Variants in P2RX2 observed in about 807,000 individuals in gnomAD.
The protein encoded by P2RX2 is purinergic receptor P2X 2, also known as P2X purinoceptor 2.
A neutral mutation model predicts 54.8 loss-of-function variants in P2RX2; 50 were observed. The observed-to-expected ratio is 0.91, with a 90% CI of 0.73 to 1.15. The LOEUF (loss-of-function observed/expected upper bound fraction) is 1.15. Among genes scored for constraint, P2RX2 ranks in the 50% most tolerant of loss-of-function variants. The probability of loss-of-function intolerance (pLI) is 0.00; values close to 1 mark genes in which losing one functional copy is unlikely to be tolerated. For synonymous variants in P2RX2, 289 were observed against 259.4 expected (o/e 1.11, Z -1.09); for missense variants, 658 against 633.2 (o/e 1.04, Z -0.42).
rs1173318858 is a variant in P2RX2, at chr12:132,620,357, G to A, written c.635+10G>A. 10 of 1,613,682 alleles carry A rather than the reference G, an allele frequency of 6.2e-6. No homozygotes were observed. The Admixed American group carries it at 1.7e-4, about 27-fold the overall frequency. On this transcript the variant is annotated intron_variant, in intron 6 of 10. Coordinates refer to ENST00000643471, the MANE Select transcript of P2RX2 (RefSeq NM_170682.4). Reference sequence around the variant, plus strand: ...AATTCCACTTCTCCAAGTAAGAGCCGCGGGGTGTGGTGACGGCCCAGCCTG... The same window carrying A: ...AATTCCACTTCTCCAAGTAAGAGCCACGGGGTGTGGTGACGGCCCAGCCTG...
chr12:132,622,270 G>A lies in P2RX2; in HGVS notation c.*298G>A, dbSNP rs773918113. ...CTGAGCTCTGAGGGGCTCTGCTCCC[G>A]GTCTTGGGCCCTGGGAACCCCACCC... On this transcript the variant is annotated 3_prime_UTR_variant, in exon 11 of 11. Coordinates refer to ENST00000643471, the MANE Select transcript of P2RX2 (RefSeq NM_170682.4). 203 of 1,311,426 alleles carry A rather than the reference G, an allele frequency of 1.5e-4. No individual in the cohort carries two copies. Among genetic ancestry groups the A allele is most frequent in the Non-Finnish European group, 1.9e-4 (193 of 1,029,804 alleles). The allele number at this position is 1,311,426 out of a possible 1,614,324, so 81.2% of individuals were successfully genotyped here. A position where few individuals can be genotyped will look rare whatever the true frequency, so the allele number is the denominator to read the frequency against.
chr12:132,620,071 C>A lies in P2RX2; in HGVS notation c.529C>A (p.Pro177Thr), dbSNP rs1378517657. 2.5e-6 allele frequency: 4 copies of A among 1,585,792 alleles called. No homozygotes were observed. Among genetic ancestry groups the A allele is most frequent in the Non-Finnish European group, 1.7e-6 (2 of 1,167,470 alleles). Residue 177 changes from proline (P) to threonine (T), a missense_variant, in exon 5 of 11, where the codon CCG becomes ACG. Pro to Thr is a conservative substitution (Grantham distance 38, BLOSUM62 -1). Coordinates refer to ENST00000643471, the MANE Select transcript of P2RX2 (RefSeq NM_170682.4). ...GACCTGCGAGGTGTTCGGCTGGTGCCCGGTGGAAGATGGGGCCTCTGTCAG... is the reference window on the plus strand; with the variant it reads ...GACCTGCGAGGTGTTCGGCTGGTGCACGGTGGAAGATGGGGCCTCTGTCAG... ...SKTCEVFGWCPVEDGASVSQF... is the reference protein window; with the variant it reads ...SKTCEVFGWCTVEDGASVSQF...
intron 5 of P2RX2, 50 bp from the exon 6 acceptor site, chr12:132,620,217 G>A (rs1429076827): frequency 2.6e-6 from 4 of 1,562,486 alleles, no homozygotes; most frequent in African/African-American, 2.7e-5. Context: ...AATGCCAGGC[G>A]GGGGCTTTGC....
chr12:132,621,219 G>A, intron 8 of P2RX2, 36 bp from the exon 9 acceptor site: 2 of 1,613,950 alleles, frequency 1.2e-6, no homozygotes, highest in Non-Finnish European at 1.7e-6. Context: ...GCCCTGGAGT[G>A]CAGAGGACGA....
chr12:132,619,689 T>C lies in P2RX2; in HGVS notation c.320T>C (p.Val107Ala). ...TCTTTCTGAGCCCAGGGGGGCAGCG[T>C]GTTCAGCATCATCACCAGGGTCGAG... is the stretch of plus-strand genomic sequence containing the variant. ...EYVKPPEGGSVFSIITRVEAT... is the reference protein window; with the variant it reads ...EYVKPPEGGSAFSIITRVEAT... The change falls in exon 3 of 11, where the codon GTG becomes GCG. Residue 107 changes from valine to alanine, a missense_variant. By Grantham distance (64) the Val-to-Ala change is moderately conservative. Transcript: ENST00000643471. 6.3e-7 allele frequency: 1 copy of C among 1,597,656 alleles called. No homozygotes were observed. Among genetic ancestry groups the C allele is most frequent in the Non-Finnish European group, 8.5e-7 (1 of 1,172,002 alleles).
At chr12:132,619,372 C>G (rs765554180) in intron 1 of P2RX2, 67 bp from the exon 2 acceptor site, 1 of 1,588,236 alleles carries the variant, frequency 6.3e-7, no homozygotes, top group East Asian at 2.3e-5. Flanking sequence ...GGGCCCCTGC[C>G]GTGCCTGCGG....
chr12:132,621,241 C>A lies in P2RX2; in HGVS notation c.906-14C>A, dbSNP rs763910590. On this transcript the variant is annotated splice_polypyrimidine_tract_variant and intron_variant, in intron 8 of 10. Transcript: ENST00000643471. ...AGTGCAGAGGACGAGTGGGCACTGG[C>A]GTTCCCATTGCAGGTTTGCCAAATA... The A allele has an allele frequency of 2.5e-6, 4 of 1,613,738 alleles. No homozygotes were observed. In the African/African-American group the frequency reaches 5.3e-5, roughly 22 times the overall value.
rs1280066043 is a variant in P2RX2, at chr12:132,619,175, GA to G, written c.173+187del. Among the ~76,000 whole-genome samples the G allele has an allele frequency of 4.4e-3, 426 of 95,758 alleles. 30 individuals are homozygous for G. Among genetic ancestry groups the G allele is most frequent in the Admixed American group, 0.011 (106 of 9,470 alleles). The allele number at this position is 95,758 out of a possible 152,430, so 62.8% of individuals were successfully genotyped here. ...ATTGGGGGCGCGGGGCAGGGGCTGG[GA>G]CTGGGGGCGTGGGGCAGGGGCTGGG... On this transcript the variant is annotated intron_variant, in intron 1 of 10. Coordinates refer to ENST00000643471, the MANE Select transcript of P2RX2 (RefSeq NM_170682.4).
rs1307844378 is a variant in P2RX2 at position 132,621,838 on chromosome 12, G to C, written c.1282G>C (p.Glu428Gln). 3 of 1,612,140 alleles carry C rather than the reference G, an allele frequency of 1.9e-6. No individual in the cohort carries two copies. The highest frequency in any genetic ancestry group is 2.2e-5 in the East Asian group (1 of 44,860). The change falls in exon 11 of 11, where the codon GAG becomes CAG. Residue 428 changes from glutamate to glutamine, a missense_variant. Transcript: ENST00000643471. ...PSGQEGQQGAECGPAFPPLRP... is the reference protein window; with the variant it reads ...PSGQEGQQGAQCGPAFPPLRP... ...AGGCCAGGAGGGCCAACAAGGGGCA[G>C]AGTGTGGCCCAGCCTTCCCGCCCCT...
chr12:132,619,658 GC>G lies in P2RX2; in HGVS notation c.310-16del. The G allele has an allele frequency of 6.3e-7, 1 of 1,582,920 alleles. No individual in the cohort carries two copies. The highest frequency in any genetic ancestry group is 1.1e-5 in the South Asian group (1 of 87,370). On this transcript the variant is annotated intron_variant, in intron 2 of 10. Transcript: ENST00000643471. Reference sequence around the variant, plus strand: ...GGCAGCGGCTGCCGCCTGGCCGACCGCCCCCTCTTTCTGAGCCCAGGGGGGC... The same window carrying G: ...GGCAGCGGCTGCCGCCTGGCCGACCGCCCCTCTTTCTGAGCCCAGGGGGGC...
rs1377461462 is a variant in P2RX2, at chr12:132,621,291, C to A, written c.942C>A (p.Thr314=). Residue 314 remains threonine, a synonymous_variant, in exon 9 of 11, where the codon ACC becomes ACA. Transcript: ENST00000643471. Reference sequence around the variant, plus strand: ...ACTACAAGATCAATGGCACCACCACCCGCACGCTCATCAAGGCCTACGGGA... The same window carrying A: ...ACTACAAGATCAATGGCACCACCACACGCACGCTCATCAAGGCCTACGGGA... ...AKYYKINGTT[T]RTLIKAYGIR... is the part of the protein sequence containing the mutation. 1 of 1,614,064 alleles carries A rather than the reference C, an allele frequency of 6.2e-7. No homozygotes were observed. The highest frequency in any genetic ancestry group is 1.7e-5 in the Admixed American group (1 of 60,024).
rs778507675 is a variant in P2RX2, at chr12:132,619,832, C to T, written c.382-12C>T. The T allele has an allele frequency of 9.3e-6, 15 of 1,610,778 alleles. No homozygotes were observed. The highest frequency in any genetic ancestry group is 1.3e-5 in the African/African-American group (1 of 74,900). ...CCTTGCGGGGTCCCTGACTGGGCCG[C>T]CTCCACCCTAGAGCATAAGGGTCCA... On this transcript the variant is annotated splice_polypyrimidine_tract_variant and intron_variant, in intron 3 of 10. Transcript: ENST00000643471.
Position 132,622,294 on chromosome 12 carries a change from C to T in P2RX2, c.*322C>T. 2.7e-6 allele frequency: 3 copies of T among 1,126,574 alleles called. No individual in the cohort carries two copies. Among genetic ancestry groups the T allele is most frequent in the Non-Finnish European group, 3.4e-6 (3 of 871,700 alleles). The allele number at this position is 1,126,574 out of a possible 1,614,324, so 69.8% of individuals were successfully genotyped here. ...CGGTCTTGGGCCCTGGGAACCCCAC[C>T]CCACCCCACCCCACAGGCGTTGTAA... On this transcript the variant is annotated 3_prime_UTR_variant, in exon 11 of 11. Coordinates refer to ENST00000643471, the MANE Select transcript of P2RX2 (RefSeq NM_170682.4).
Position 132,622,225 on chromosome 12 carries a change from C to T in P2RX2, c.*253C>T. The stretch of plus-strand genomic sequence containing the variant: ...GCTCACTTCCCATCACCTCTCACAG[C>T]CACCTGGAACCCAAGCCAGCTGAGC... On this transcript the variant is annotated 3_prime_UTR_variant, in exon 11 of 11. Coordinates refer to ENST00000643471, the MANE Select transcript of P2RX2 (RefSeq NM_170682.4). The T allele has an allele frequency of 5.1e-6, 7 of 1,383,130 alleles. No homozygotes were observed. The highest frequency in any genetic ancestry group is 6.5e-6 in the Non-Finnish European group (7 of 1,072,244). 85.7% of individuals were successfully genotyped at this position (1,383,130 alleles called of 1,614,324 possible).
At position 132,619,830 on chromosome 12, in the gene P2RX2, C is replaced by T. The variant is rs200306145; in HGVS notation, c.382-14C>T. The T allele has an allele frequency of 1.0e-3, 1,668 of 1,610,724 alleles. No homozygotes were observed. Among genetic ancestry groups the T allele is most frequent in the Non-Finnish European group, 1.3e-3 (1,548 of 1,179,250 alleles). ...TCCCTTGCGGGGTCCCTGACTGGGC[C>T]GCCTCCACCCTAGAGCATAAGGGTC... On this transcript the variant is annotated splice_polypyrimidine_tract_variant and intron_variant, in intron 3 of 10. Transcript: ENST00000643471.
chr12:132,620,873 T>C (rs1451899859), intron 7 of P2RX2, 128 bp from the exon 8 acceptor site: 1 of 971,914 alleles, frequency 1.0e-6, no homozygotes, highest in East Asian at 3.5e-5. Context: ...AGCCTGGGAC[T>C]GACCCGGGCT....
chr12:132,620,292 A>G lies in P2RX2; in HGVS notation c.580A>G (p.Asn194Asp), dbSNP rs1300334539. The change falls in exon 6 of 11, where the codon AAT becomes GAT. Residue 194 changes from asparagine (N) to aspartate (D), a missense_variant. Coordinates refer to ENST00000643471, the MANE Select transcript of P2RX2 (RefSeq NM_170682.4). ...CCAATTTCTGGGTACGATGGCCCCAAATTTCACCATCCTCATCAAGAACAG... is the reference window on the plus strand; with the variant it reads ...CCAATTTCTGGGTACGATGGCCCCAGATTTCACCATCCTCATCAAGAACAG... Reference protein sequence around the residue: ...VSQFLGTMAPNFTILIKNSIH... With the variant: ...VSQFLGTMAPDFTILIKNSIH... 1 of 1,613,950 alleles carries G rather than the reference A, an allele frequency of 6.2e-7. No individual in the cohort carries two copies. The highest frequency in any genetic ancestry group is 8.5e-7 in the Non-Finnish European group (1 of 1,179,948).
Position 132,619,480 on chromosome 12 carries a change from C to A in P2RX2, c.215C>A (p.Thr72Lys). ...IVQKSYQESE[T>K]GPESSIITKV... ...CAGAAAAGCTACCAGGAGAGCGAGA[C>A]GGGCCCCGAGAGCTCCATCATCACC... The change falls in exon 2 of 11, where the codon ACG becomes AAG. Residue 72 changes from threonine to lysine, a missense_variant. Physicochemically the swap from Thr to Lys is moderately conservative, Grantham distance 78. Transcript: ENST00000643471. 1 of 1,612,618 alleles carries A rather than the reference C, an allele frequency of 6.2e-7. No individual in the cohort carries two copies. The highest frequency in any genetic ancestry group is 8.5e-7 in the Non-Finnish European group (1 of 1,179,404).
In P2RX2 at chr12:132,619,679, G is replaced by C. The variant is rs755529218; in HGVS notation, c.310G>C (p.Gly104Arg). The change falls in exon 3 of 11, where the codon GGG becomes CGG. Residue 104 changes from glycine (G) to arginine (R), a missense_variant and splice_region_variant. Coordinates refer to ENST00000643471, the MANE Select transcript of P2RX2 (RefSeq NM_170682.4). ...DVEEYVKPPE[G>R]GSVFSIITRV... ...GACCGCCCCCTCTTTCTGAGCCCAG[G>C]GGGGCAGCGTGTTCAGCATCATCAC... 1.3e-6 allele frequency: 2 copies of C among 1,595,484 alleles called. No individual in the cohort carries two copies. The highest frequency in any genetic ancestry group is 1.7e-6 in the Non-Finnish European group (2 of 1,170,844).
Sources: allele counts gnomAD v4.1 joint callset (sites outside exome capture counted in the v4.1 genomes callset), GRCh38; gene constraint gnomAD v4.1.1; transcripts MANE v1.5; gene names NCBI Gene and HGNC (gene_info 2026-07-23, HGNC 2026-07-21).